The following TMEM33 variants were observed in gnomAD, a reference collection of about 807,000 sequenced individuals.
TMEM33 encodes transmembrane protein 33.
Under a neutral mutation model 29.7 loss-of-function variants are expected in TMEM33, and 16 were observed. That is an observed-to-expected ratio of 0.54 (90% CI 0.36 to 0.82). The LOEUF (loss-of-function observed/expected upper bound fraction) is 0.82. TMEM33 is among the 40% of genes least tolerant of loss of function. TMEM33 has a pLI of 0.00. For missense variants in TMEM33, 252 were observed against 295.3 expected (o/e 0.85, Z 1.08); for synonymous variants, 112 against 109.4 (o/e 1.02, Z -0.15).
chr4:41,945,065 C>T (rs985643694), intron 5 of TMEM33, 139 bp downstream of exon 5: 15 of 1,041,672 alleles, frequency 1.4e-5, no homozygotes, highest in Non-Finnish European at 2.0e-5. Flanking sequence ...GTTGCCTAAT[C>T]TAACCTTTGT....
In TMEM33 at chr4:41,955,017, C is replaced by G. The variant is rs1271922595; in HGVS notation, c.*818C>G. 2 of 152,612 alleles carry G rather than the reference C, an allele frequency of 1.3e-5. No homozygotes were observed. The highest frequency in any genetic ancestry group is 3.8e-4 in the East Asian group (2 of 5,202). The allele number at this position is 152,612 out of a possible 1,614,324, so 9.5% of individuals were successfully genotyped here. A position where few individuals can be genotyped will look rare whatever the true frequency, so the allele number is the denominator to read the frequency against. On this transcript the variant is annotated 3_prime_UTR_variant, in exon 7 of 7. Transcript: ENST00000504986. ...TTATAGTTTGTAGAACTACCTAGTTCAGAATCTTGACTGCCAGTTTTCTTG... is the reference window on the plus strand; with the variant it reads ...TTATAGTTTGTAGAACTACCTAGTTGAGAATCTTGACTGCCAGTTTTCTTG...
chr4:41,935,245 C>A, upstream of TMEM33: 1 of 595,336 alleles, frequency 1.7e-6, no homozygotes, highest in Non-Finnish European at 3.0e-6. Context: ...CCGCTTTGAT[C>A]TCGGCGGTGC....
At chr4:41,938,917 A>G (rs1417494418) in intron 2 of TMEM33, among the ~76,000 whole-genome samples, 1 of 152,222 alleles carries the variant, frequency 6.6e-6, no homozygotes, top group African/African-American at 2.4e-5. Context: ...GGAAAAATTG[A>G]TGTGTGGGAA....
intron 5 of TMEM33, among the ~76,000 whole-genome samples, chr4:41,947,581 A>G (rs1001518675): frequency 3.3e-5 from 5 of 152,220 alleles, no homozygotes; most frequent in African/African-American, 9.6e-5. Flanking sequence ...TTTACCAGAA[A>G]TGTTTAAATA....
At chr4:41,950,576 C>T (rs574613447) in intron 6 of TMEM33, among the ~76,000 whole-genome samples, 5 of 152,068 alleles carry the variant, frequency 3.3e-5, no homozygotes, top group Admixed American at 6.5e-5. Flanking sequence ...CTGTTCAGAG[C>T]GTTTTTATGC....
intron 1 of TMEM33, among the ~76,000 whole-genome samples, chr4:41,937,934 A>T (rs973340705): frequency 6.6e-6 from 1 of 152,216 alleles, no homozygotes; most frequent in Non-Finnish European, 1.5e-5. Flanking sequence ...GGGAACATGG[A>T]GGTGATAAAG....
chr4:41,936,457 C>T (rs1452823268), intron 1 of TMEM33, among the ~76,000 whole-genome samples: 1 of 152,206 alleles, frequency 6.6e-6, no homozygotes. Context: ...GCGGGTGGAT[C>T]GCTTGCGCCC....
rs1713189999 is a variant in TMEM33 at position 41,954,767 on chromosome 4, A to G, written c.*568A>G. 6.6e-6 allele frequency: 1 copy of G among 152,624 alleles called. No individual in the cohort carries two copies. The highest frequency in any genetic ancestry group is 2.4e-5 in the African/African-American group (1 of 41,440). 9.5% of individuals were successfully genotyped at this position (152,624 alleles called of 1,614,324 possible). ...AGAAGAATTCTATGTATCTTAAACT[A>G]TGATCTTCTAAAATTTTATTTCCGT... is the stretch of plus-strand genomic sequence containing the variant. On this transcript the variant is annotated 3_prime_UTR_variant, in exon 7 of 7. Transcript: ENST00000504986.
At chr4:41,949,233 T>TTC (rs1712929179) in intron 5 of TMEM33, 69 bp from the exon 6 acceptor site, 6 of 1,073,898 alleles carry the variant, frequency 5.6e-6, no homozygotes, top group Non-Finnish European at 6.8e-6. Context: ...GTTGAATTGC[T>TTC]TTTAAGTTTT....
chr4:41,949,473 A>T, intron 6 of TMEM33, 88 bp downstream of exon 6: 1 of 1,077,598 alleles, frequency 9.3e-7, no homozygotes, highest in Non-Finnish European at 1.3e-6. Flanking sequence ...TTACTTAGCT[A>T]ATGTGTTAGA....
intron 5 of TMEM33, among the ~76,000 whole-genome samples, chr4:41,945,937 C>G (rs923061975): frequency 1.5e-5 from 2 of 134,160 alleles, no homozygotes; most frequent in African/African-American, 6.0e-5. Flanking sequence ...CGTCACTGCA[C>G]TGCAGCCTGG....
chr4:41,943,624 C>A (rs1712647761), intron 3 of TMEM33, 123 bp from the exon 4 acceptor site: 1 of 765,452 alleles, frequency 1.3e-6, no homozygotes, highest in Non-Finnish European at 2.1e-6. Context: ...ATCAGTAAAA[C>A]AAGCCATTCC....
At chr4:41,938,460 C>G (rs1712354589) in intron 1 of TMEM33, 142 bp from the exon 2 acceptor site, 1 of 724,960 alleles carries the variant, frequency 1.4e-6, no homozygotes, top group South Asian at 1.7e-5. Context: ...ATGTAATTGC[C>G]TTAGAGTTTT....
At chr4:41,948,481 G>A (rs74454866) in intron 5 of TMEM33, among the ~76,000 whole-genome samples, 4,307 of 151,894 alleles carry the variant, frequency 0.028, 95 homozygotes, top group African/African-American at 0.055. Context: ...TAATGAAAAT[G>A]ATACAATTTA....
At position 41,960,269 on chromosome 4, in the gene TMEM33, G is replaced by A. The variant is rs1713418597; in HGVS notation, c.*6070G>A. The stretch of plus-strand genomic sequence containing the variant: ...TCACGATAGTAAATTATCCATGCTG[G>A]TACCTGTGAAAGTAAGCCCTGGGAT... On this transcript the variant is annotated 3_prime_UTR_variant, in exon 7 of 7. Coordinates refer to ENST00000504986, the MANE Select transcript of TMEM33 (RefSeq NM_018126.3). 6.6e-6 allele frequency: 1 copy of A among 152,096 alleles called. No homozygotes were observed. Among genetic ancestry groups the A allele is most frequent in the Admixed American group, 6.5e-5 (1 of 15,274 alleles). 9.4% of individuals were successfully genotyped at this position (152,096 alleles called of 1,614,324 possible).
intron 1 of TMEM33, among the ~76,000 whole-genome samples, chr4:41,935,757 C>A (rs750399322): frequency 3.3e-5 from 5 of 152,190 alleles, no homozygotes; most frequent in Non-Finnish European, 5.9e-5. Context: ...CTGGTGGCCC[C>A]CACCTGTATG....
At chr4:41,946,345 T>C (rs1239632903) in intron 5 of TMEM33, among the ~76,000 whole-genome samples, 2 of 152,190 alleles carry the variant, frequency 1.3e-5, no homozygotes, top group Non-Finnish European at 2.9e-5. Context: ...GTAACAAATG[T>C]CCTTATTGAT....
At chr4:41,953,766 G>A in intron 6 of TMEM33, 1 of 467,434 alleles carries the variant, frequency 2.1e-6, no homozygotes, top group Non-Finnish European at 4.3e-6. Context: ...GCAGTTTGTG[G>A]TGCCCCAAAA....
chr4:41,935,194 C>T, upstream of TMEM33: 1 of 546,470 alleles, frequency 1.8e-6, no homozygotes, highest in Non-Finnish European at 3.3e-6. Flanking sequence ...TTTAGGGCTT[C>T]ACCCCGAAGC....
Sources: gnomAD v4.1 joint callset for allele counts (sites outside exome capture counted in the v4.1 genomes callset) on GRCh38, gnomAD v4.1.1 for gene constraint, MANE v1.5 for transcripts, NCBI Gene and HGNC (gene_info 2026-07-23, HGNC 2026-07-21) for gene names.